TPCN2: variants seen among roughly 807,000 people sequenced by gnomAD.
TPCN2 encodes two pore channel protein 2.
In TPCN2, 92 loss-of-function variants were observed where a neutral mutation model predicts 111.4. The observed-to-expected ratio is 0.83, with a 90% confidence interval of 0.70 to 0.98. The LOEUF (loss-of-function observed/expected upper bound fraction) is 0.98. TPCN2 is among the 50% of genes least tolerant of loss of function. The pLI is 0.00. For synonymous variants in TPCN2, 405 were observed against 414.5 expected (o/e 0.98, Z 0.28); for missense variants, 995 against 980.1 (o/e 1.02, Z -0.20).
chr11:69,077,411 G>A (rs1030721156), intron 13 of TPCN2, among the ~76,000 whole-genome samples: 5 of 151,820 alleles, frequency 3.3e-5, no homozygotes, highest in Middle Eastern at 6.8e-3. Context: ...CAGCCCCTCC[G>A]CTAAGAAAGC....
intron 5 of TPCN2, among the ~76,000 whole-genome samples, chr11:69,061,395 A>C (rs1590714669): frequency 6.6e-6 from 1 of 152,326 alleles, no homozygotes; most frequent in East Asian, 1.9e-4. Context: ...GTTTTGTGCA[A>C]GGAGCTGACA....
intron 5 of TPCN2, among the ~76,000 whole-genome samples, chr11:69,060,158 C>G (rs11228467): frequency 0.026 from 3,990 of 152,338 alleles, 386 homozygotes; most frequent in East Asian, 0.22. Flanking sequence ...ACTCTTCTCT[C>G]TCCACGCCCC....
intron 20 of TPCN2, 131 bp from the exon 21 acceptor site, chr11:69,085,540 C>T (rs571789787): frequency 4.0e-6 from 3 of 745,186 alleles, no homozygotes; most frequent in African/African-American, 1.7e-5. Flanking sequence ...TTTCCCTGCC[C>T]TCTGAGCCTC....
chr11:69,051,620 C>T (rs76169906), intron 1 of TPCN2, among the ~76,000 whole-genome samples: 6 of 152,320 alleles, frequency 3.9e-5, no homozygotes, highest in South Asian at 2.1e-4. Flanking sequence ...CCTGGTGTGC[C>T]GGATGCAGCA....
rs1323919143 is a variant in TPCN2 at position 69,090,352 on chromosome 11, GT to G, written c.*2400del. 2 of 152,120 alleles carry G rather than the reference GT, an allele frequency of 1.3e-5. No homozygotes were observed. The highest frequency in any genetic ancestry group is 3.9e-4 in the East Asian group (2 of 5,192). The allele number at this position is 152,120 out of a possible 1,614,324, so 9.4% of individuals were successfully genotyped here. ...TATTATTGGGTCAGTTTTCCTGCAT[GT>G]CCCCAGCCTCCCATCACTGCCACCC... On this transcript the variant is annotated 3_prime_UTR_variant, in exon 25 of 25. Transcript: ENST00000294309.
In TPCN2 at chr11:69,048,952, C is replaced by T. The variant is rs766658585; in HGVS notation, c.-46C>T. 72 of 1,193,428 alleles carry T rather than the reference C, an allele frequency of 6.0e-5. No individual in the cohort carries two copies. Among genetic ancestry groups the T allele is most frequent in the Non-Finnish European group, 7.1e-5 (67 of 950,088 alleles). The allele number at this position is 1,193,428 out of a possible 1,614,324, so 73.9% of individuals were successfully genotyped here. A position where few individuals can be genotyped will look rare whatever the true frequency, so the allele number is the denominator to read the frequency against. On this transcript the variant is annotated 5_prime_UTR_variant, in exon 1 of 25. Transcript: ENST00000294309. ...CCTGCGCAGTGAAGCTGGGCGCCTT[C>T]GGGGCTTGAGCTTCTGAGGGTCGGG...
At chr11:69,084,591 G>A (rs922350158) in intron 19 of TPCN2, 10 of 985,322 alleles carry the variant, frequency 1.0e-5, no homozygotes, top group African/African-American at 7.0e-5. Context: ...CCAGATCCGC[G>A]CCGTGCAGAG....
chr11:69,065,027 CTG>C (rs1033787564), intron 7 of TPCN2, among the ~76,000 whole-genome samples: 4 of 138,514 alleles, frequency 2.9e-5, no homozygotes, highest in South Asian at 2.5e-4. Flanking sequence ...GTCTGTATGT[CTG>C]TGTGTGCGTG....
intron 1 of TPCN2, among the ~76,000 whole-genome samples, chr11:69,051,900 C>T (rs913319573): frequency 3.3e-5 from 5 of 152,178 alleles, no homozygotes; most frequent in South Asian, 4.2e-4. Flanking sequence ...AGAGGCGGGC[C>T]GGCAAATGTG....
chr11:69,081,249 G>T, intron 17 of TPCN2, 151 bp from the exon 18 acceptor site: 1 of 579,996 alleles, frequency 1.7e-6, no homozygotes, highest in East Asian at 2.9e-5. Flanking sequence ...ACCCTGCAGA[G>T]GCTTTTCTGC....
chr11:69,086,795 TGGGGA>T (rs1856294277), intron 23 of TPCN2, among the ~76,000 whole-genome samples, 191 bp downstream of exon 23: 1 of 151,258 alleles, frequency 6.6e-6, no homozygotes, highest in African/African-American at 2.5e-5. Flanking sequence ...GCTGGGGCCT[TGGGGA>T]GTGCTCCTGA....
intron 18 of TPCN2, 46 bp downstream of exon 18, chr11:69,081,545 G>A: frequency 7.1e-7 from 1 of 1,415,190 alleles, no homozygotes. Flanking sequence ...CCTGGGTCAT[G>A]CTGCTGCGTT....
At chr11:69,074,509 T>C (rs1437187327) in intron 13 of TPCN2, among the ~76,000 whole-genome samples, 1 of 152,204 alleles carries the variant, frequency 6.6e-6, no homozygotes, top group South Asian at 2.1e-4. Flanking sequence ...GGTCCTCAGA[T>C]AACAGAAAGT....
At chr11:69,054,675 C>T in intron 2 of TPCN2, 46 bp from the exon 3 acceptor site, 1 of 1,574,872 alleles carries the variant, frequency 6.3e-7, no homozygotes, top group South Asian at 1.1e-5. Context: ...TCACGGCCCA[C>T]CCTGCATGCA....
Position 69,067,530 on chromosome 11 carries a change from C to T in TPCN2, c.754C>T (p.Leu252=), listed in dbSNP as rs778795108. 1.2e-6 allele frequency: 2 copies of T among 1,613,912 alleles called. No individual in the cohort carries two copies. The highest frequency in any genetic ancestry group is 8.5e-7 in the Non-Finnish European group (1 of 1,180,006). The change falls in exon 8 of 25, where the codon CTG becomes TTG. Residue 252 remains leucine, a synonymous_variant. Coordinates refer to ENST00000294309, the MANE Select transcript of TPCN2 (RefSeq NM_139075.4). The part of the protein sequence containing the change: ...KQDDGQDRER[L]TYFQNLPESL... ...GGATGATGGGCAGGACAGGGAGAGG[C>T]TGACCTACTTCCAGAACCTGCCTGA...
intron 5 of TPCN2, among the ~76,000 whole-genome samples, chr11:69,060,191 C>A (rs1247958264): frequency 6.6e-6 from 1 of 152,242 alleles, no homozygotes; most frequent in Non-Finnish European, 1.5e-5. Context: ...GGGAACATCC[C>A]CTTTCTCAGT....
At chr11:69,055,154 A>C in intron 3 of TPCN2, 21 bp from the exon 4 acceptor site, 1 of 1,610,530 alleles carries the variant, frequency 6.2e-7, no homozygotes, top group Non-Finnish European at 8.5e-7. Flanking sequence ...CTGTGTTTTC[A>C]TGTTTCTGTC....
At chr11:69,087,826 G>T (rs1484881311) in intron 24 of TPCN2, 49 bp from the exon 25 acceptor site, 2 of 1,517,822 alleles carry the variant, frequency 1.3e-6, no homozygotes, top group Non-Finnish European at 1.8e-6. Context: ...GCAGGCCAGG[G>T]TCTCCCTCCT....
rs1394209112 is a variant in TPCN2 at position 69,076,889 on chromosome 11, CTGCCCTCCTGCCATGTCCCTCCACT to C, written c.1231-1577_1231-1553del. Among the ~76,000 whole-genome samples the C allele has an allele frequency of 1.3e-4, 16 of 125,960 alleles. No individual in the cohort carries two copies. The East Asian group carries it at 1.3e-3, about 10-fold the overall frequency. The allele number at this position is 125,960 out of a possible 152,430, so 82.6% of individuals were successfully genotyped here. On this transcript the variant is annotated intron_variant, in intron 13 of 24. Transcript: ENST00000294309. ...ATGCCATGTCCCTCCACTTGCCCTC[CTGCCCTCCTGCCATGTCCCTCCACT>C]TGCCCTCCTGCCATGCCCCTCCACC...
Sources: allele counts gnomAD v4.1 joint callset (sites outside exome capture counted in the v4.1 genomes callset), GRCh38; gene constraint gnomAD v4.1.1; transcripts MANE v1.5; gene names NCBI Gene and HGNC (gene_info 2026-07-23, HGNC 2026-07-21).